Variants in XPO6 observed in about 807,000 individuals in gnomAD.
XPO6 encodes the protein exportin 6.
Under a neutral mutation model 130.0 loss-of-function variants are expected in XPO6, and 3 were observed. The ratio of observed to expected loss-of-function variants is 0.02; its 90% CI spans 0.01 to 0.06. The LOEUF (loss-of-function observed/expected upper bound fraction) is 0.06, where lower values mean the gene tolerates loss of function less well. Among genes scored for constraint, XPO6 ranks in the 10% least tolerant of loss-of-function variants. The pLI, the probability that XPO6 is intolerant of heterozygous loss-of-function variation, is 1.00. For synonymous variants in XPO6, 524 were observed against 548.9 expected (o/e 0.95, Z 0.63); for missense variants, 970 against 1,393.0 (o/e 0.70, Z 4.83).
chr16:28,188,102 A>AT (rs1215760890), intron 1 of XPO6, among the ~76,000 whole-genome samples: 2 of 152,260 alleles, frequency 1.3e-5, no homozygotes, highest in African/African-American at 4.8e-5. Context: ...AATAATGACT[A>AT]TTTTTTAAAT....
At chr16:28,141,727 G>A (rs2042896699) in intron 9 of XPO6, among the ~76,000 whole-genome samples, 1 of 152,170 alleles carries the variant, frequency 6.6e-6, no homozygotes, top group Admixed American at 6.5e-5. Context: ...TTGGGAGGCC[G>A]AGGCGGGTGG....
chr16:28,205,295 T>C (rs533234900), intron 1 of XPO6, among the ~76,000 whole-genome samples: 74 of 152,314 alleles, frequency 4.9e-4, no homozygotes, highest in African/African-American at 1.7e-3. Context: ...GTTTATTTCC[T>C]TCACTCTCAC....
intron 17 of XPO6, among the ~76,000 whole-genome samples, chr16:28,110,539 T>C (rs773380305): frequency 2.6e-5 from 4 of 152,238 alleles, no homozygotes; most frequent in Admixed American, 1.3e-4. Context: ...ACTACACTTT[T>C]GGAGTTGTTT....
intron 1 of XPO6, among the ~76,000 whole-genome samples, chr16:28,191,767 G>T (rs542171295): frequency 2.1e-4 from 32 of 152,204 alleles, no homozygotes; most frequent in Non-Finnish European, 4.3e-4. Flanking sequence ...GGCATTGGAT[G>T]ACATCAGGTA....
At chr16:28,160,439 C>T (rs936470019) in intron 6 of XPO6, among the ~76,000 whole-genome samples, 2 of 136,976 alleles carry the variant, frequency 1.5e-5, no homozygotes, top group Non-Finnish European at 3.0e-5. Context: ...GGGAGGCGGA[C>T]GCTGCAGTGA....
At chr16:28,099,314 C>T (rs1253200080) in intron 23 of XPO6, among the ~76,000 whole-genome samples, 18 of 152,042 alleles carry the variant, frequency 1.2e-4, no homozygotes, top group Admixed American at 1.1e-3. Flanking sequence ...GTGTAGGTCC[C>T]GGTGAGGACT....
chr16:28,132,296 G>T lies in XPO6; in HGVS notation c.1606+38C>A. The T allele has an allele frequency of 1.4e-6, 2 of 1,471,300 alleles. No homozygotes were observed. Among genetic ancestry groups the T allele is most frequent in the South Asian group, 2.4e-5 (2 of 83,068 alleles). 91.1% of individuals were successfully genotyped at this position (1,471,300 alleles called of 1,614,324 possible). A position where few individuals can be genotyped will look rare whatever the true frequency, so the allele number is the denominator to read the frequency against. On this transcript the variant is annotated intron_variant, in intron 12 of 23. Coordinates refer to ENST00000304658, the MANE Select transcript of XPO6 (RefSeq NM_015171.4). The surrounding 1 kb of genome is among the most constrained non-coding windows in gnomAD (Gnocchi z 4.0). ...TGAAATATCAGTCCGATGGTTTTTTGAATGTTTGGTTAAATTAGAAAATAA... is the reference window on the plus strand; with the variant it reads ...TGAAATATCAGTCCGATGGTTTTTTTAATGTTTGGTTAAATTAGAAAATAA...
intron 9 of XPO6, among the ~76,000 whole-genome samples, chr16:28,140,206 TG>T (rs1317187106): frequency 7.5e-6 from 1 of 133,060 alleles, no homozygotes; most frequent in South Asian, 2.3e-4. Context: ...CACTCCAGCC[TG>T]GGTGACAGAG....
At chr16:28,145,505 CA>C (rs1342718026) in intron 9 of XPO6, among the ~76,000 whole-genome samples, 2 of 152,148 alleles carry the variant, frequency 1.3e-5, no homozygotes, top group Non-Finnish European at 2.9e-5. Context: ...ACAAAAAGTG[CA>C]AAAGCAATTA....
rs1301043977 is a variant in XPO6, at chr16:28,114,492, C to T, written c.2005-1442G>A. The stretch of plus-strand genomic sequence containing the variant: ...GCATATGTTTTGTTTACACTATAGT[C>T]TATAAAGTGTGCAATAAGCATTATG... On this transcript the variant is annotated intron_variant, in intron 15 of 23. Coordinates refer to ENST00000304658, the MANE Select transcript of XPO6 (RefSeq NM_015171.4). Among the ~76,000 whole-genome samples the T allele has an allele frequency of 5.9e-5, 9 of 152,282 alleles. No individual in the cohort carries two copies. The East Asian group carries it at 1.7e-3, about 29-fold the overall frequency.
intron 13 of XPO6, among the ~76,000 whole-genome samples, chr16:28,124,058 C>CTTTT (rs5816463): frequency 7.2e-6 from 1 of 138,274 alleles, no homozygotes; most frequent in Non-Finnish European, 1.6e-5. Context: ...ACAGATATAC[C>CTTTT]TTTTTTTTTT....
At position 28,199,573 on chromosome 16, in the gene XPO6, G is replaced by A. The variant is rs142567622; in HGVS notation, c.3+11793C>T. On this transcript the variant is annotated intron_variant, in intron 1 of 23. Transcript: ENST00000304658. The stretch of plus-strand genomic sequence containing the variant: ...ATTACAGGAGTGAGCCACCATGCCC[G>A]GCCTTTTTATTTTGAGACAGTCTTG... 3.0e-3 allele frequency among the ~76,000 whole-genome samples: 450 copies of A among 151,372 alleles called. 1 individual carries two copies. Among genetic ancestry groups the A allele is most frequent in the Non-Finnish European group, 4.9e-3 (335 of 67,888 alleles).
At chr16:28,114,306 G>A (rs1031043351) in intron 15 of XPO6, among the ~76,000 whole-genome samples, 8 of 151,282 alleles carry the variant, frequency 5.3e-5, no homozygotes, top group African/African-American at 1.9e-4. Flanking sequence ...TATATCTCCA[G>A]CTATCTACAA....
intron 13 of XPO6, among the ~76,000 whole-genome samples, chr16:28,124,164 TCTC>T (rs2087329384): frequency 6.6e-6 from 1 of 151,932 alleles, no homozygotes; most frequent in Non-Finnish European, 1.5e-5. Context: ...TTCAAGCGAT[TCTC>T]CTGTCTCAGC....
At chr16:28,115,914 T>C (rs1230745983) in intron 15 of XPO6, among the ~76,000 whole-genome samples, 2 of 152,348 alleles carry the variant, frequency 1.3e-5, no homozygotes, top group East Asian at 3.9e-4. Context: ...CCAACCTGTG[T>C]TAGCTTCCAA....
At chr16:28,199,147 A>T (rs1462073104) in intron 1 of XPO6, among the ~76,000 whole-genome samples, 2 of 152,230 alleles carry the variant, frequency 1.3e-5, no homozygotes, top group Non-Finnish European at 2.9e-5. Context: ...TCTCAAAAAA[A>T]TGAAATTAAA....
At chr16:28,194,339 C>T (rs760486527) in intron 1 of XPO6, among the ~76,000 whole-genome samples, 5 of 152,122 alleles carry the variant, frequency 3.3e-5, no homozygotes, top group Non-Finnish European at 7.4e-5. Context: ...TACAAATCAC[C>T]TCTCACTGCT....
At chr16:28,135,614 C>T (rs1375215838) in intron 9 of XPO6, among the ~76,000 whole-genome samples, 1 of 152,156 alleles carries the variant, frequency 6.6e-6, no homozygotes, top group Non-Finnish European at 1.5e-5. Context: ...TATTTTGTCT[C>T]CTATTAGTAT....
At chr16:28,169,630 C>T in intron 5 of XPO6, 120 bp downstream of exon 5, 1 of 1,324,826 alleles carries the variant, frequency 7.5e-7, no homozygotes, top group South Asian at 1.4e-5. Context: ...ACGCAGCTTC[C>T]CATTTTCATG....
Sources: allele counts gnomAD v4.1 joint callset (sites outside exome capture counted in the v4.1 genomes callset), GRCh38; gene constraint gnomAD v4.1.1; non-coding constraint Gnocchi (gnomAD v3.1); transcripts MANE v1.5; gene names NCBI Gene and HGNC (gene_info 2026-07-23, HGNC 2026-07-21).